Variants in DGKB observed in about 807,000 individuals in gnomAD.
The protein encoded by DGKB is 90 kDa diacylglycerol kinase.
Under a neutral mutation model 114.3 loss-of-function variants are expected in DGKB, and 67 were observed. The ratio of observed to expected loss-of-function variants is 0.59; its 90% CI spans 0.48 to 0.72. DGKB has a LOEUF of 0.72. Ranked by LOEUF, DGKB falls within the 30% of genes least tolerant of loss-of-function variation. The probability of loss-of-function intolerance (pLI) is 0.00; values close to 1 mark genes in which losing one functional copy is unlikely to be tolerated. For missense variants in DGKB, 907 were observed against 975.2 expected (o/e 0.93, Z 0.93); for synonymous variants, 398 against 323.1 (o/e 1.23, Z -2.49).
intron 2 of DGKB, among the ~76,000 whole-genome samples, chr7:14,802,763 G>T (rs941143962): frequency 2.0e-5 from 3 of 152,078 alleles, no homozygotes; most frequent in African/African-American, 4.8e-5. Flanking sequence ...ACTAAAATCT[G>T]CACCTACATT....
chr7:14,849,934 C>A (rs987945340), intron 1 of DGKB, among the ~76,000 whole-genome samples: 8 of 152,090 alleles, frequency 5.3e-5, no homozygotes, highest in African/African-American at 1.7e-4. Context: ...AGACACAGAA[C>A]AAAGCTCTGA....
At chr7:14,168,904 T>C (rs1275871143) in intron 25 of DGKB, among the ~76,000 whole-genome samples, 1 of 152,236 alleles carries the variant, frequency 6.6e-6, no homozygotes, top group Non-Finnish European at 1.5e-5. Flanking sequence ...ATTTTTAGTA[T>C]GTATGTATTT....
At chr7:14,718,314 T>C (rs1203404706) in intron 6 of DGKB, among the ~76,000 whole-genome samples, 2 of 152,088 alleles carry the variant, frequency 1.3e-5, no homozygotes, top group African/African-American at 2.4e-5. Context: ...ATGACAAACA[T>C]AGGAAATAAT....
intron 2 of DGKB, among the ~76,000 whole-genome samples, chr7:14,791,165 A>C (rs1188095146): frequency 6.6e-6 from 1 of 152,092 alleles, no homozygotes; most frequent in Non-Finnish European, 1.5e-5. Flanking sequence ...AGTCTTGTAC[A>C]TATTTTGTTA....
rs537624996 is a variant in DGKB at position 14,965,919 on chromosome 7, T to C, written c.-188+8777A>G. On this transcript the variant is annotated intron_variant, in intron 1 of 4. Transcript: ENST00000437998. ...CTTTTCATTACATTTTTGTACATCA[T>C]GATATGAATCTATACTTCTGTCAAA... is the stretch of plus-strand genomic sequence containing the variant. Among the ~76,000 whole-genome samples, 315 of 152,236 alleles carry C rather than the reference T, an allele frequency of 2.1e-3. 1 individual carries two copies. The highest frequency in any genetic ancestry group is 7.3e-3 in the African/African-American group (304 of 41,572).
At chr7:14,680,129 C>G (rs1820575022) in intron 12 of DGKB, among the ~76,000 whole-genome samples, 1 of 151,848 alleles carries the variant, frequency 6.6e-6, no homozygotes, top group Non-Finnish European at 1.5e-5. Context: ...AGTAAGAGGG[C>G]AGCCTTTTTT....
intron 1 of DGKB, among the ~76,000 whole-genome samples, chr7:14,861,990 A>G (rs1334951507): frequency 1.3e-5 from 2 of 152,004 alleles, no homozygotes; most frequent in African/African-American, 4.8e-5. Flanking sequence ...GACCACCAGC[A>G]CTTACCACTG....
chr7:14,183,976 G>A (rs1195715790), intron 23 of DGKB, among the ~76,000 whole-genome samples: 1 of 152,196 alleles, frequency 6.6e-6, no homozygotes, highest in East Asian at 1.9e-4. Context: ...GCCCAACTGA[G>A]GAAGTGGAAA....
At chr7:14,265,337 T>TTTTTTTTTG (rs1342591342) in intron 23 of DGKB, among the ~76,000 whole-genome samples, 1 of 146,766 alleles carries the variant, frequency 6.8e-6, no homozygotes, top group African/African-American at 2.6e-5. Flanking sequence ...TTTTTTTTTT[T>TTTTTTTTTG]TGCTTAGTAG....
chr7:14,493,436 G>C (rs575080351), intron 20 of DGKB, among the ~76,000 whole-genome samples: 1 of 152,140 alleles, frequency 6.6e-6, no homozygotes, highest in Admixed American at 6.6e-5. Flanking sequence ...CACATATACT[G>C]TAATAAAAGT....
At chr7:14,415,514 T>G (rs1171908526) in intron 21 of DGKB, among the ~76,000 whole-genome samples, 1 of 150,112 alleles carries the variant, frequency 6.7e-6, no homozygotes, top group Non-Finnish European at 1.5e-5. Context: ...AGTGAGAACA[T>G]GCGGTGTTTG....
Position 14,718,656 on chromosome 7 carries a change from G to T in DGKB, c.352C>A (p.Pro118Thr), listed in dbSNP as rs1245145705. 2 of 1,611,016 alleles carry T rather than the reference G, an allele frequency of 1.2e-6. No individual in the cohort carries two copies. Among genetic ancestry groups the T allele is most frequent in the South Asian group, 1.1e-5 (1 of 90,716 alleles). Residue 118 changes from proline (P) to threonine (T), a missense_variant, in exon 6 of 26, where the codon CCT becomes ACT. This residue lies in a region of DGKB where 814 missense variants were observed against 856.6 expected (regional missense o/e 0.95). Transcript: ENST00000402815. ...TTTGCAGGAGAAGTAGTCCGGGGAG[G>T]GGTGATGGCACCTTTATTCATTCTC... ...GLRMNKGAITPPRTTSPANTC... is the reference protein window; with the variant it reads ...GLRMNKGAITTPRTTSPANTC...
At chr7:14,360,447 A>AATATATATATATATATATATATAT (rs1428863119) in intron 21 of DGKB, among the ~76,000 whole-genome samples, 1 of 144,778 alleles carries the variant, frequency 6.9e-6, no homozygotes, top group Non-Finnish European at 1.5e-5. Flanking sequence ...TAGAACTTAA[A>AATATATATATATATATATATATAT]GTATATATAT....
intron 15 of DGKB, among the ~76,000 whole-genome samples, chr7:14,614,564 A>G (rs1806181428): frequency 6.6e-6 from 1 of 152,086 alleles, no homozygotes; most frequent in South Asian, 2.1e-4. Context: ...AAAAACACTC[A>G]TTTTACCATA....
intron 17 of DGKB, among the ~76,000 whole-genome samples, chr7:14,586,523 C>G (rs73289513): frequency 2.0e-5 from 3 of 152,192 alleles, no homozygotes; most frequent in Admixed American, 2.0e-4. Context: ...AAAGGTGGTA[C>G]GCTAAACAAC....
intron 1 of DGKB, among the ~76,000 whole-genome samples, chr7:14,879,450 G>C (rs1325133978): frequency 1.3e-5 from 2 of 152,034 alleles, no homozygotes; most frequent in Non-Finnish European, 2.9e-5. Flanking sequence ...AGGTTATTTG[G>C]CTATTTCATA....
intron 23 of DGKB, among the ~76,000 whole-genome samples, chr7:14,209,896 CTTT>C (rs35178096): frequency 6.8e-6 from 1 of 146,330 alleles, no homozygotes; most frequent in African/African-American, 2.5e-5. Context: ...CTATGGCTGT[CTTT>C]TTTTTTTTAA....
chr7:14,953,453 T>G (rs1416265104), intron 1 of DGKB, among the ~76,000 whole-genome samples: 1 of 152,004 alleles, frequency 6.6e-6, no homozygotes, highest in Non-Finnish European at 1.5e-5. Context: ...AAAACAATGC[T>G]CAAAATATCT....
chr7:14,180,145 C>T (rs1041662836), intron 23 of DGKB, among the ~76,000 whole-genome samples: 1 of 151,972 alleles, frequency 6.6e-6, no homozygotes, highest in Non-Finnish European at 1.5e-5. Flanking sequence ...ACCACCACCA[C>T]AGGACTGGAG....
Sources: gnomAD v4.1 joint callset for allele counts (sites outside exome capture counted in the v4.1 genomes callset) on GRCh38, gnomAD v4.1.1 for gene constraint, gnomAD v4.1.1 regional missense constraint, MANE v1.5 for transcripts, NCBI Gene and HGNC (gene_info 2026-07-23, HGNC 2026-07-21) for gene names.